The following HLCS variants were observed in gnomAD, a reference collection of about 807,000 sequenced individuals.
HLCS encodes the protein biotin--protein ligase.
In HLCS, 53 loss-of-function variants were observed where a neutral mutation model predicts 75.0. That is an observed-to-expected ratio of 0.71 (90% CI 0.57 to 0.89). The LOEUF (loss-of-function observed/expected upper bound fraction) is 0.89. Ranked by LOEUF, HLCS falls within the 40% of genes least tolerant of loss-of-function variation. HLCS has a pLI of 0.00. For missense variants in HLCS, 966 were observed against 1,074.0 expected (o/e 0.90, Z 1.41); for synonymous variants, 431 against 428.6 (o/e 1.01, Z -0.07).
intron 6 of HLCS, among the ~76,000 whole-genome samples, chr21:36,889,334 C>A (rs998764558): frequency 1.3e-5 from 2 of 152,238 alleles, no homozygotes; most frequent in Non-Finnish European, 2.9e-5. Flanking sequence ...CTGCTCACCA[C>A]ACACTGCGGT....
intron 6 of HLCS, among the ~76,000 whole-genome samples, chr21:36,871,752 C>T (rs1341142299): frequency 6.6e-6 from 1 of 152,100 alleles, no homozygotes; most frequent in Non-Finnish European, 1.5e-5. Flanking sequence ...GGACTGGTAT[C>T]TGAGATATAC....
intron 6 of HLCS, among the ~76,000 whole-genome samples, chr21:36,804,426 T>C (rs2061305431): frequency 6.6e-6 from 1 of 152,168 alleles, no homozygotes; most frequent in Non-Finnish European, 1.5e-5. Flanking sequence ...TTCCTCCATA[T>C]ACCATCAGAA....
chr21:36,980,005 C>T (rs1223386050), intron 1 of HLCS, among the ~76,000 whole-genome samples: 1 of 117,880 alleles, frequency 8.5e-6, no homozygotes, highest in Non-Finnish European at 1.6e-5. Flanking sequence ...CCAGCCTGGG[C>T]GACAGAGCAA....
In HLCS at chr21:36,750,657, G is replaced by A. The variant is rs2089338323; in HGVS notation, c.*3589C>T. Among the ~76,000 whole-genome samples, 1 of 151,776 alleles carries A rather than the reference G, an allele frequency of 6.6e-6. No individual in the cohort carries two copies. The highest frequency in any genetic ancestry group is 1.5e-5 in the Non-Finnish European group (1 of 68,004). ...AGGTAGACTAGTGGGGACTGCTACA[G>A]ATAAAATGAGATACAAAGAACATTT... is the stretch of plus-strand genomic sequence containing the variant. On this transcript the variant is annotated 3_prime_UTR_variant, in exon 11 of 11. Transcript: ENST00000674895.
In HLCS at chr21:36,756,737, G is replaced by C. The variant is rs545173075; in HGVS notation, c.2255C>G (p.Thr752Ser). The C allele has an allele frequency of 4.3e-6, 7 of 1,614,140 alleles. No individual in the cohort carries two copies. The East Asian group carries it at 1.1e-4, about 26-fold the overall frequency. ...GATGCAGATGGTAGGGTTACTGTTA[G>C]TCACATTAAATCCACAGCCTGGACA... ...YILIGCGFNV[T>S]NSNPTICIND... The change falls in exon 10 of 11, where the codon ACT becomes AGT. Residue 752 changes from threonine (T) to serine (S), a missense_variant. By Grantham distance (58) the Thr-to-Ser change is moderately conservative. Coordinates refer to ENST00000674895, the MANE Select transcript of HLCS (RefSeq NM_001352514.2).
At chr21:36,883,335 G>C (rs2064310642) in intron 6 of HLCS, among the ~76,000 whole-genome samples, 1 of 152,168 alleles carries the variant, frequency 6.6e-6, no homozygotes, top group Non-Finnish European at 1.5e-5. Context: ...ATGGAAGAGA[G>C]GGATGCCTAA....
chr21:36,896,530 A>C, intron 6 of HLCS: 3 of 377,512 alleles, frequency 7.9e-6, no homozygotes, highest in South Asian at 7.6e-5. Flanking sequence ...GCACAAAAGA[A>C]GAATGATAAC....
Position 36,954,137 on chromosome 21 carries a change from C to T in HLCS, c.330+7899G>A, listed in dbSNP as rs551878472. Reference sequence around the variant, plus strand: ...CCTAGGCAACATGGTGAAACCCCGCCTCTACTAAAAATACAAAAATTAGCC... The same window carrying T: ...CCTAGGCAACATGGTGAAACCCCGCTTCTACTAAAAATACAAAAATTAGCC... On this transcript the variant is annotated intron_variant, in intron 2 of 10. Transcript: ENST00000674895. Among the ~76,000 whole-genome samples the T allele has an allele frequency of 5.3e-5, 8 of 152,116 alleles. No homozygotes were observed. The East Asian group carries it at 1.5e-3, about 29-fold the overall frequency.
At chr21:36,955,438 G>A (rs2067888377) in intron 2 of HLCS, among the ~76,000 whole-genome samples, 1 of 151,832 alleles carries the variant, frequency 6.6e-6, no homozygotes, top group Non-Finnish European at 1.5e-5. Flanking sequence ...CAAATTTGTA[G>A]AGATAAATAA....
At chr21:36,852,742 C>T (rs994302597) in intron 6 of HLCS, among the ~76,000 whole-genome samples, 21 of 152,080 alleles carry the variant, frequency 1.4e-4, no homozygotes, top group African/African-American at 5.1e-4. Context: ...CTTGAGGACC[C>T]CACCCCAAGT....
intron 5 of HLCS, among the ~76,000 whole-genome samples, chr21:36,902,866 T>G (rs533198473): frequency 6.6e-6 from 1 of 152,156 alleles, no homozygotes; most frequent in South Asian, 2.1e-4. Context: ...CAGTCAGCTA[T>G]CCAGCCATGT....
At chr21:36,880,937 C>T (rs1219912988) in intron 6 of HLCS, among the ~76,000 whole-genome samples, 1 of 150,628 alleles carries the variant, frequency 6.6e-6, no homozygotes, top group Admixed American at 6.6e-5. Flanking sequence ...GGGTTGGAAG[C>T]GATGCCAGCA....
At chr21:36,873,537 T>C (rs772640669) in intron 6 of HLCS, among the ~76,000 whole-genome samples, 8 of 152,256 alleles carry the variant, frequency 5.3e-5, no homozygotes, top group Non-Finnish European at 8.8e-5. Flanking sequence ...TACGAGTCCT[T>C]TGTCAGACAT....
chr21:36,798,881 T>C (rs758732431), intron 6 of HLCS, among the ~76,000 whole-genome samples: 3 of 152,244 alleles, frequency 2.0e-5, no homozygotes, highest in Non-Finnish European at 4.4e-5. Flanking sequence ...AAAATTGAGT[T>C]GTCTTAATAT....
intron 2 of HLCS, among the ~76,000 whole-genome samples, chr21:36,942,413 A>C (rs1282324694): frequency 2.7e-5 from 4 of 149,872 alleles, no homozygotes; most frequent in African/African-American, 9.8e-5. Context: ...AAAAAAAAAA[A>C]AAAAAAAAAA....
At chr21:36,913,896 C>T (rs1324020403) in intron 5 of HLCS, among the ~76,000 whole-genome samples, 2 of 152,124 alleles carry the variant, frequency 1.3e-5, no homozygotes, top group Admixed American at 1.3e-4. Context: ...CTGACCTCAC[C>T]CCTATCTGGT....
chr21:36,978,437 T>G (rs1377804777), intron 1 of HLCS, among the ~76,000 whole-genome samples: 1 of 150,704 alleles, frequency 6.6e-6, no homozygotes, highest in Non-Finnish European at 1.5e-5. Context: ...GAGGTTGCAG[T>G]GAGCCAAGAT....
At chr21:36,756,161 G>T (rs530955703) in intron 10 of HLCS, among the ~76,000 whole-genome samples, 4 of 152,018 alleles carry the variant, frequency 2.6e-5, no homozygotes, top group South Asian at 2.1e-4. Flanking sequence ...AACTACGGCC[G>T]GGCGCGGTGG....
Position 36,748,698 on chromosome 21 carries a change from C to T in HLCS, c.*5548G>A, listed in dbSNP as rs2089273072. On this transcript the variant is annotated 3_prime_UTR_variant, in exon 11 of 11. Coordinates refer to ENST00000674895, the MANE Select transcript of HLCS (RefSeq NM_001352514.2). ...CAACAAACCAAGACTAAGGGGGTGACCATGCAATTCCATTTTGTGTCTGTG... is the reference window on the plus strand; with the variant it reads ...CAACAAACCAAGACTAAGGGGGTGATCATGCAATTCCATTTTGTGTCTGTG... The T allele has an allele frequency of 6.6e-6, 1 of 152,620 alleles. No homozygotes were observed. The highest frequency in any genetic ancestry group is 2.4e-5 in the African/African-American group (1 of 41,448). 9.5% of individuals were successfully genotyped at this position (152,620 alleles called of 1,614,324 possible).
Sources: gnomAD v4.1 joint callset for allele counts (sites outside exome capture counted in the v4.1 genomes callset) on GRCh38, gnomAD v4.1.1 for gene constraint, MANE v1.5 for transcripts, NCBI Gene and HGNC (gene_info 2026-07-23, HGNC 2026-07-21) for gene names.